Variants in MICAL2 observed in about 807,000 individuals in gnomAD.
MICAL2 encodes [F-actin]-monooxygenase MICAL2.
A neutral mutation model predicts 127.3 loss-of-function variants in MICAL2; 77 were observed. The ratio of observed to expected loss-of-function variants is 0.60; its 90% CI spans 0.50 to 0.73. The LOEUF is 0.73. Ranked by LOEUF, MICAL2 falls within the 30% of genes least tolerant of loss-of-function variation. The pLI is 0.00. For missense variants in MICAL2, 1,351 were observed against 1,434.4 expected, an observed-to-expected ratio of 0.94 and a Z score of 0.94; for synonymous variants, 570 against 551.1, an observed-to-expected ratio of 1.03 and a Z score of -0.48.
intron 1 of MICAL2, among the ~76,000 whole-genome samples, chr11:12,122,756 G>A (rs1445588567): frequency 6.6e-6 from 1 of 152,202 alleles, no homozygotes; most frequent in Non-Finnish European, 1.5e-5. Flanking sequence ...AAGCACCTGT[G>A]TGTGCAGTGA....
chr11:12,358,058 GT>G (rs1213378313), intron 34 of MICAL2, among the ~76,000 whole-genome samples: 1 of 152,114 alleles, frequency 6.6e-6, no homozygotes, highest in African/African-American at 2.4e-5. Flanking sequence ...TTACAAAGGG[GT>G]TTTCCCTGTC....
intron 29 of MICAL2, among the ~76,000 whole-genome samples, chr11:12,308,502 A>T (rs949150026): frequency 4.6e-5 from 7 of 152,108 alleles, no homozygotes; most frequent in Non-Finnish European, 1.0e-4. Context: ...TTATCTTTTA[A>T]CTATTTCATG....
At chr11:12,178,421 CAG>C (rs1280374204) in intron 3 of MICAL2, among the ~76,000 whole-genome samples, 1 of 147,764 alleles carries the variant, frequency 6.8e-6, no homozygotes, top group Non-Finnish European at 1.5e-5. Context: ...TTTGGAGAGA[CAG>C]AAATTATAGG....
intron 15 of MICAL2, among the ~76,000 whole-genome samples, chr11:12,228,272 G>GAGAGCCGAGA (rs1857733771): frequency 6.6e-6 from 1 of 152,174 alleles, no homozygotes; most frequent in Admixed American, 6.5e-5. Flanking sequence ...AGAGGTTGCA[G>GAGAGCCGAGA]TGAGCCGAGA....
At chr11:12,213,624 T>C (rs1855793957) in intron 7 of MICAL2, among the ~76,000 whole-genome samples, 1 of 152,172 alleles carries the variant, frequency 6.6e-6, no homozygotes, top group South Asian at 2.1e-4. Context: ...ATGTTGTACA[T>C]GAAAGGAGAT....
chr11:12,291,836 G>A (rs1863906421), downstream of MICAL2, among the ~76,000 whole-genome samples: 1 of 152,164 alleles, frequency 6.6e-6, no homozygotes, highest in African/African-American at 2.4e-5. Context: ...TTTGGAGGCA[G>A]ATGAGCATTT....
At chr11:12,194,269 G>A (rs1396150383) in intron 3 of MICAL2, among the ~76,000 whole-genome samples, 3 of 152,202 alleles carry the variant, frequency 2.0e-5, no homozygotes, top group Non-Finnish European at 4.4e-5. Context: ...ACCAGATACC[G>A]GGATTTGAAT....
chr11:12,178,205 G>A (rs528816110), intron 3 of MICAL2, among the ~76,000 whole-genome samples: 12 of 152,276 alleles, frequency 7.9e-5, no homozygotes, highest in African/African-American at 1.7e-4. Flanking sequence ...AGCTGAACAC[G>A]TGGCAGTGAC....
In MICAL2 at chr11:12,327,254, C is replaced by T. The variant is rs374013423; in HGVS notation, c.5503C>T (p.Arg1835Ter). The change falls in exon 32 of 35, where the codon CGA (arginine) becomes TGA (stop). Residue 1835 changes from arginine to a stop codon, truncating the protein, a stop_gained. Coordinates refer to the MICAL2 transcript ENST00000646065. LOFTEE classifies it high-confidence loss of function. ...GGGTGTGAGGCTGGAGAAGGCGTTG[C>T]GAGGAGAAGCAGGTACGGCATCCCA... 9.3e-5 allele frequency: 144 copies of T among 1,550,082 alleles called. No individual in the cohort carries two copies. The Middle Eastern group carries it at 1.4e-3, about 15-fold the overall frequency.
At chr11:12,172,424 T>A (rs1268253219) in intron 3 of MICAL2, among the ~76,000 whole-genome samples, 2 of 152,204 alleles carry the variant, frequency 1.3e-5, no homozygotes, top group Non-Finnish European at 1.5e-5. Flanking sequence ...AGACGATGAT[T>A]GAGCTGAGGA....
At chr11:12,288,653 C>T (rs145924588), downstream of MICAL2, among the ~76,000 whole-genome samples, 4 of 152,164 alleles carry the variant, frequency 2.6e-5, no homozygotes, top group African/African-American at 7.2e-5. Flanking sequence ...TGGTCTGGCC[C>T]GGAGGAGGAA....
At chr11:12,359,338 A>C (rs1448771602), downstream of MICAL2, among the ~76,000 whole-genome samples, 1 of 15,576 alleles carries the variant, frequency 6.4e-5, no homozygotes. Flanking sequence ...TGATGGCAAA[A>C]AAAAAAAAAA....
chr11:12,205,786 C>A (rs960418201), intron 4 of MICAL2, among the ~76,000 whole-genome samples: 1 of 152,152 alleles, frequency 6.6e-6, no homozygotes, highest in African/African-American at 2.4e-5. Flanking sequence ...AGTAAGTGCC[C>A]AGGAAAACAC....
Position 12,242,323 on chromosome 11 carries a change from A to G in MICAL2, c.2447A>G (p.Gln816Arg). Residue 816 changes from glutamine (Q) to arginine (R), a missense_variant, in exon 19 of 28, where the codon CAG becomes CGG. Transcript: ENST00000683283. ...PWRARAKSDL[Q>R]LGGTENFATL... Reference sequence around the variant, plus strand: ...AGAGCCAGAGCCAAGTCTGACCTACAGCTGGGTGGGACAGAAAATTTCGCT... The same window carrying G: ...AGAGCCAGAGCCAAGTCTGACCTACGGCTGGGTGGGACAGAAAATTTCGCT... 6.2e-7 allele frequency: 1 copy of G among 1,614,144 alleles called. No individual in the cohort carries two copies. The highest frequency in any genetic ancestry group is 8.5e-7 in the Non-Finnish European group (1 of 1,179,976).
intron 1 of MICAL2, among the ~76,000 whole-genome samples, chr11:12,123,159 G>C (rs1000784282): frequency 1.3e-5 from 2 of 152,010 alleles, no homozygotes; most frequent in Non-Finnish European, 1.5e-5. Flanking sequence ...CTTTGCCATT[G>C]CTTAAAATTT....
chr11:12,214,011 T>G (rs1374659430), intron 7 of MICAL2, among the ~76,000 whole-genome samples: 2 of 152,220 alleles, frequency 1.3e-5, no homozygotes, highest in Admixed American at 1.3e-4. Context: ...ATGCCTACTG[T>G]GTGCCAGATG....
At chr11:12,239,706 C>A in intron 17 of MICAL2, 121 bp downstream of exon 17, 2 of 1,216,852 alleles carry the variant, frequency 1.6e-6, no homozygotes, top group East Asian at 2.5e-5. Flanking sequence ...ACTTGAGCTC[C>A]TTCTAGATCA....
rs1461328204 is a variant in MICAL2 at position 12,241,116 on chromosome 11, A to G, written c.2291A>G (p.Lys764Arg). Reference protein sequence around the residue: ...SGPPVHSCCPKPEEATPSPSP... With the variant: ...SGPPVHSCCPRPEEATPSPSP... Reference sequence around the variant, plus strand: ...CCTCCTGTTCACTCTTGCTGCCCCAAGCCGGAGGAGGCCACACCCAGCCCA... The same window carrying G: ...CCTCCTGTTCACTCTTGCTGCCCCAGGCCGGAGGAGGCCACACCCAGCCCA... The change falls in exon 18 of 28, where the codon AAG (lysine) becomes AGG (arginine). Residue 764 changes from lysine to arginine, a missense_variant. By Grantham distance (26) the Lys-to-Arg change is conservative (BLOSUM62 2). Transcript: ENST00000683283. 1.9e-6 allele frequency: 3 copies of G among 1,613,964 alleles called. No homozygotes were observed. Among genetic ancestry groups the G allele is most frequent in the Non-Finnish European group, 2.5e-6 (3 of 1,180,028 alleles).
At chr11:12,244,412 C>T (rs934905990) in intron 21 of MICAL2, among the ~76,000 whole-genome samples, 12 of 152,182 alleles carry the variant, frequency 7.9e-5, no homozygotes, top group African/African-American at 2.7e-4. Flanking sequence ...GGTGCAGTTC[C>T]CTTACTACAG....
Sources: allele counts gnomAD v4.1 joint callset (sites outside exome capture counted in the v4.1 genomes callset), GRCh38; gene constraint gnomAD v4.1.1; transcripts MANE v1.5; gene names NCBI Gene and HGNC (gene_info 2026-07-23, HGNC 2026-07-21).